The following INTS6L variants were observed in gnomAD, a reference collection of about 807,000 sequenced individuals.
INTS6L encodes the protein integrator complex subunit 6 like, also known as integrator complex subunit 6-like.
A neutral mutation model predicts 64.7 loss-of-function variants in INTS6L; 18 were observed. That is an observed-to-expected ratio of 0.28 (90% CI 0.19 to 0.41). The LOEUF is 0.41. Among genes scored for constraint, INTS6L ranks in the 10% least tolerant of loss-of-function variants. The pLI, the probability that INTS6L is intolerant of heterozygous loss-of-function variation, is 1.00. For synonymous variants in INTS6L, 227 were observed against 235.9 expected, an observed-to-expected ratio of 0.96 and a Z score of 0.34; for missense variants, 533 against 661.0, an observed-to-expected ratio of 0.81 and a Z score of 2.12.
chrX:135,548,506 A>C (rs902632362), intron 6 of INTS6L, among the ~76,000 whole-genome samples: 1 of 111,795 alleles, frequency 8.9e-6, no homozygotes, highest in Non-Finnish European at 1.9e-5. Flanking sequence ...GGGAACTTAC[A>C]TATTGAAATT....
intron 9 of INTS6L, among the ~76,000 whole-genome samples, chrX:135,568,352 A>T (rs2087005026): frequency 9.1e-6 from 1 of 110,354 alleles, no homozygotes; most frequent in Non-Finnish European, 1.9e-5. Context: ...TGTTCTACAG[A>T]ATTTTAAACT....
chrX:135,539,568 T>C (rs1602860731), intron 2 of INTS6L, among the ~76,000 whole-genome samples: 1 of 112,324 alleles, frequency 8.9e-6, no homozygotes, highest in Non-Finnish European at 1.9e-5. Context: ...GCATTTTAAA[T>C]TTTCTTCAAG....
intron 2 of INTS6L, among the ~76,000 whole-genome samples, chrX:135,536,152 C>T (rs2086045958): frequency 8.9e-6 from 1 of 111,752 alleles, no homozygotes; most frequent in African/African-American, 3.3e-5. Flanking sequence ...ATGGAGCCTC[C>T]CAGCAAGAAG....
intron 2 of INTS6L, among the ~76,000 whole-genome samples, chrX:135,528,866 A>ACCCCCCCCCCCCCCCCCC (rs782759551): frequency 2.1e-5 from 1 of 48,006 alleles, no homozygotes; most frequent in Admixed American, 3.0e-4. Context: ...TAAAATGAAC[A>ACCCCCCCCCCCCCCCCCC]CCCCCCCCCC....
intron 2 of INTS6L, among the ~76,000 whole-genome samples, chrX:135,539,280 T>C (rs1192979787): frequency 8.9e-6 from 1 of 112,514 alleles, no homozygotes; most frequent in Non-Finnish European, 1.9e-5. Context: ...ACAGCTTCTA[T>C]ATCAGCACCT....
chrX:135,552,164 T>A lies in INTS6L; in HGVS notation c.1059+18T>A. On this transcript the variant is annotated intron_variant, in intron 8 of 17. Coordinates refer to ENST00000639893, the MANE Select transcript of INTS6L (RefSeq NM_001351601.3). ...GCTGGCAGGTACTTATCCTTACCTATTAGCTAAATGTCTGTAACCACTCTA... is the reference window on the plus strand; with the variant it reads ...GCTGGCAGGTACTTATCCTTACCTAATAGCTAAATGTCTGTAACCACTCTA... 4 of 1,159,504 alleles carry A rather than the reference T, an allele frequency of 3.4e-6. No individual in the cohort carries two copies. Among genetic ancestry groups the A allele is most frequent in the Non-Finnish European group, 4.6e-6 (4 of 873,351 alleles).
intron 9 of INTS6L, among the ~76,000 whole-genome samples, chrX:135,559,197 A>T (rs539866372): frequency 1.8e-5 from 2 of 111,976 alleles, no homozygotes; most frequent in Non-Finnish European, 3.8e-5. Context: ...CAGTATCACA[A>T]TTGTGATATT....
intron 9 of INTS6L, among the ~76,000 whole-genome samples, chrX:135,556,587 T>C (rs2086653874): frequency 8.9e-6 from 1 of 111,774 alleles, no homozygotes; most frequent in Non-Finnish European, 1.9e-5. Context: ...CTTTTTTGTA[T>C]AGTTTGGGCC....
chrX:135,564,148 T>C (rs1556523676), intron 9 of INTS6L, among the ~76,000 whole-genome samples: 1 of 111,694 alleles, frequency 9.0e-6, no homozygotes, highest in Non-Finnish European at 1.9e-5. Context: ...ATTTACATTG[T>C]TCTATTTTCC....
intron 2 of INTS6L, among the ~76,000 whole-genome samples, chrX:135,526,601 A>G (rs1261540345): frequency 8.9e-6 from 1 of 112,062 alleles, no homozygotes; most frequent in Non-Finnish European, 1.9e-5. Flanking sequence ...CAAGCAGTAT[A>G]ACAACTTCCT....
At chrX:135,557,363 A>G (rs1556519778) in intron 9 of INTS6L, among the ~76,000 whole-genome samples, 1 of 111,800 alleles carries the variant, frequency 8.9e-6, no homozygotes, top group African/African-American at 3.2e-5. Flanking sequence ...TGTTAATGAT[A>G]TTATTTTTCT....
rs144672873 is a variant in INTS6L at position 135,570,032 on chromosome X, C to T, written c.1288-404C>T. ...AGAGGTTGATGTGGTAACCTTTAAGCGAAGTTTCTAGAGGTGAAAAGGCAG... is the reference window on the plus strand; with the variant it reads ...AGAGGTTGATGTGGTAACCTTTAAGTGAAGTTTCTAGAGGTGAAAAGGCAG... On this transcript the variant is annotated intron_variant, in intron 10 of 17. Coordinates refer to ENST00000639893, the MANE Select transcript of INTS6L (RefSeq NM_001351601.3). 780 of 116,727 alleles carry T rather than the reference C, an allele frequency of 6.7e-3. 5 individuals carry two copies. The highest frequency in any genetic ancestry group is 0.023 in the African/African-American group (704 of 30,825). 9.6% of individuals were successfully genotyped at this position (116,727 alleles called of 1,213,427 possible).
chrX:135,562,338 T>C (rs1029782402), intron 9 of INTS6L, among the ~76,000 whole-genome samples: 1 of 112,497 alleles, frequency 8.9e-6, no homozygotes, highest in African/African-American at 3.2e-5. Context: ...AGTTTCTAGA[T>C]TGAATTCCAT....
At chrX:135,535,667 GT>G (rs1556508442) in intron 2 of INTS6L, among the ~76,000 whole-genome samples, 16 of 112,285 alleles carry the variant, frequency 1.4e-4, no homozygotes, top group Non-Finnish European at 3.0e-4. Flanking sequence ...TTTCTGGGTT[GT>G]TTCAGAGCAA....
At chrX:135,521,174 GT>G in intron 1 of INTS6L, 66 bp from the exon 2 acceptor site, 1 of 1,176,272 alleles carries the variant, frequency 8.5e-7, no homozygotes, top group Non-Finnish European at 1.2e-6. Flanking sequence ...AGGTGCTTCT[GT>G]AACGTTTGTA....
At chrX:135,573,291 C>T (rs1248682059) in intron 12 of INTS6L, among the ~76,000 whole-genome samples, 2 of 112,219 alleles carry the variant, frequency 1.8e-5, no homozygotes, top group Admixed American at 1.9e-4. Flanking sequence ...CAAAGCTGGC[C>T]CATCACCTGT....
intron 9 of INTS6L, among the ~76,000 whole-genome samples, chrX:135,560,152 CACTT>C (rs782442705): frequency 2.7e-5 from 3 of 112,213 alleles, no homozygotes; most frequent in Admixed American, 9.4e-5. Flanking sequence ...GTTATATTTA[CACTT>C]ACTTCATTTT....
chrX:135,554,348 C>G (rs1197697935), intron 8 of INTS6L, among the ~76,000 whole-genome samples: 2 of 111,740 alleles, frequency 1.8e-5, no homozygotes, highest in Non-Finnish European at 3.8e-5. Context: ...TTCCTCTCTT[C>G]TAATATACAC....
chrX:135,550,589 T>A (rs941559953), intron 7 of INTS6L, among the ~76,000 whole-genome samples: 3 of 111,620 alleles, frequency 2.7e-5, no homozygotes, highest in Admixed American at 1.9e-4. Flanking sequence ...AATCACTACT[T>A]CTTCTATTTA....
Sources: gnomAD v4.1 joint callset for allele counts (sites outside exome capture counted in the v4.1 genomes callset) on GRCh38, gnomAD v4.1.1 for gene constraint, MANE v1.5 for transcripts, NCBI Gene and HGNC (gene_info 2026-07-23, HGNC 2026-07-21) for gene names.